STIM1: variants seen among roughly 807,000 people sequenced by gnomAD.
STIM1 encodes the protein stromal interaction molecule 1.
STIM1 carries 25 observed loss-of-function variants against 74.7 expected under a neutral mutation model. The observed-to-expected ratio is 0.33, with a 90% confidence interval of 0.24 to 0.47. STIM1 has a LOEUF of 0.47. Among genes scored for constraint, STIM1 ranks in the 20% least tolerant of loss-of-function variants. The pLI is 1.00. For synonymous variants in STIM1, 328 were observed against 348.8 expected (o/e 0.94, Z 0.66); for missense variants, 728 against 920.8 (o/e 0.79, Z 2.71).
At chr11:3,973,337 A>G (rs2093414069) in intron 2 of STIM1, 1 of 441,904 alleles carries the variant, frequency 2.3e-6, no homozygotes, top group Admixed American at 2.5e-5. Flanking sequence ...ATGAAACACT[A>G]GCCATCTCTT....
intron 1 of STIM1, among the ~76,000 whole-genome samples, chr11:3,962,168 A>G (rs1289228490): frequency 6.6e-6 from 1 of 152,130 alleles, no homozygotes; most frequent in Non-Finnish European, 1.5e-5. Context: ...TAGTGTACCT[A>G]GTGTATCCAT....
intron 5 of STIM1, among the ~76,000 whole-genome samples, chr11:4,068,885 C>T (rs1331502008): frequency 6.6e-6 from 1 of 152,236 alleles, no homozygotes; most frequent in African/African-American, 2.4e-5. Context: ...CTTGGTGGCT[C>T]TACCTGGGTC....
chr11:3,966,488 T>G (rs1194600867), intron 1 of STIM1, among the ~76,000 whole-genome samples: 3 of 152,166 alleles, frequency 2.0e-5, no homozygotes, highest in African/African-American at 4.8e-5. Context: ...CACAGCCTCT[T>G]CACCCTGTCC....
intron 3 of STIM1, among the ~76,000 whole-genome samples, chr11:4,038,363 C>T (rs2094120817): frequency 1.3e-5 from 2 of 151,760 alleles, no homozygotes; most frequent in South Asian, 2.1e-4. Context: ...TAACATGTCA[C>T]ATGTAGTATA....
intron 1 of STIM1, among the ~76,000 whole-genome samples, chr11:3,884,252 GGGT>G (rs1415424274): frequency 3.9e-5 from 6 of 152,132 alleles, no homozygotes; most frequent in Admixed American, 1.3e-4. Context: ...TCTATAAAAT[GGGT>G]ACAAGAGTCC....
At chr11:4,088,585 T>C (rs892373365) in intron 12 of STIM1, 17 of 905,016 alleles carry the variant, frequency 1.9e-5, no homozygotes, top group Middle Eastern at 2.1e-4. Context: ...CACTAAGGGA[T>C]GCTGTGAATT....
intron 3 of STIM1, among the ~76,000 whole-genome samples, chr11:4,054,636 A>T (rs1293782618): frequency 6.6e-6 from 1 of 152,228 alleles, no homozygotes; most frequent in Admixed American, 6.5e-5. Context: ...TCTAGGTGGA[A>T]CAGTTTCATG....
chr11:3,944,452 C>G (rs2093047997), intron 1 of STIM1, among the ~76,000 whole-genome samples: 1 of 152,056 alleles, frequency 6.6e-6, no homozygotes, highest in African/African-American at 2.4e-5. Context: ...ACTCTCTGTG[C>G]CTGTGTAGTG....
chr11:3,998,267 G>A (rs557123333), intron 2 of STIM1, among the ~76,000 whole-genome samples: 3 of 152,262 alleles, frequency 2.0e-5, no homozygotes, highest in East Asian at 1.9e-4. Context: ...GTGGTGGAAC[G>A]AGGATTCAAA....
At chr11:3,907,113 T>C (rs925528375) in intron 1 of STIM1, among the ~76,000 whole-genome samples, 2 of 152,184 alleles carry the variant, frequency 1.3e-5, no homozygotes, top group African/African-American at 4.8e-5. Flanking sequence ...GGTTGGGCAC[T>C]GAAGTTTAGA....
intron 1 of STIM1, among the ~76,000 whole-genome samples, chr11:3,938,464 A>T (rs760918134): frequency 7.2e-5 from 11 of 152,174 alleles, no homozygotes; most frequent in Admixed American, 1.3e-4. Flanking sequence ...TCATTAAAAC[A>T]GGGCTCCTCA....
rs567732770 is a variant in STIM1 at position 3,952,386 on chromosome 11, C to A, written c.140-15166C>A. ...GTCCAGCCTGGGTGACAGAGTGAGACCCTGTCTCATAAATAAATAAATAAA... is the reference window on the plus strand; with the variant it reads ...GTCCAGCCTGGGTGACAGAGTGAGAACCTGTCTCATAAATAAATAAATAAA... On this transcript the variant is annotated intron_variant, in intron 1 of 12. Coordinates refer to ENST00000526596, the MANE Select transcript of STIM1 (RefSeq NM_001382567.1). Among the ~76,000 whole-genome samples the A allele has an allele frequency of 3.9e-5, 6 of 152,120 alleles. No homozygotes were observed. In the South Asian group the frequency reaches 8.3e-4, roughly 21 times the overall value.
chr11:3,991,166 TTTC>T (rs1417290650), intron 2 of STIM1, among the ~76,000 whole-genome samples: 8 of 139,104 alleles, frequency 5.8e-5, no homozygotes, highest in Non-Finnish European at 9.4e-5. Context: ...TTTTCTTTCC[TTTC>T]TTTTTTTTTT....
At chr11:3,959,928 T>A (rs567752670) in intron 1 of STIM1, among the ~76,000 whole-genome samples, 51 of 152,276 alleles carry the variant, frequency 3.3e-4, no homozygotes, top group African/African-American at 1.2e-3. Flanking sequence ...GAACTACTAG[T>A]AATGACTGTA....
intron 2 of STIM1, among the ~76,000 whole-genome samples, chr11:4,009,149 G>A (rs1052840647): frequency 2.6e-5 from 4 of 151,444 alleles, no homozygotes; most frequent in African/African-American, 7.3e-5. Flanking sequence ...AAAAAAATTA[G>A]CCGGGTGTGG....
At chr11:3,991,950 CAAAA>C (rs1230185435) in intron 2 of STIM1, among the ~76,000 whole-genome samples, 1 of 36,702 alleles carries the variant, frequency 2.7e-5, no homozygotes, top group Non-Finnish European at 4.4e-5. Context: ...AACTCCATCT[CAAAA>C]AAAAAAAAAA....
Position 4,048,122 on chromosome 11 carries a change from G to A in STIM1, c.386-7404G>A, listed in dbSNP as rs1448107083. Among the ~76,000 whole-genome samples the A allele has an allele frequency of 2.0e-5, 3 of 152,188 alleles. No individual in the cohort carries two copies. The East Asian group carries it at 5.8e-4, about 29-fold the overall frequency. ...GTGTTGAGCCACCGTGCCTGGCCAA[G>A]ACCTGTGTCTTCAAAGAAAAAAGAT... On this transcript the variant is annotated intron_variant, in intron 3 of 12. Coordinates refer to ENST00000526596, the MANE Select transcript of STIM1 (RefSeq NM_001382567.1).
chr11:4,040,231 A>C (rs531408451), intron 3 of STIM1, among the ~76,000 whole-genome samples: 1 of 152,270 alleles, frequency 6.6e-6, no homozygotes, highest in African/African-American at 2.4e-5. Context: ...CCTTCTATAT[A>C]CTAGGCATTG....
chr11:4,072,239 C>A (rs2094408507), intron 6 of STIM1, among the ~76,000 whole-genome samples: 1 of 152,154 alleles, frequency 6.6e-6, no homozygotes, highest in African/African-American at 2.4e-5. Flanking sequence ...TAGGCTTGCA[C>A]ACATGCACAC....
Sources: gnomAD v4.1 joint callset for allele counts (sites outside exome capture counted in the v4.1 genomes callset) on GRCh38, gnomAD v4.1.1 for gene constraint, MANE v1.5 for transcripts, NCBI Gene and HGNC (gene_info 2026-07-23, HGNC 2026-07-21) for gene names.